The following C1orf54 variants were observed in gnomAD, a reference collection of about 807,000 sequenced individuals.
C1orf54 encodes chromosome 1 open reading frame 54.
Under a neutral mutation model 14.7 loss-of-function variants are expected in C1orf54, and 12 were observed. The observed-to-expected ratio is 0.82, with a 90% CI of 0.52 to 1.32. The LOEUF (loss-of-function observed/expected upper bound fraction) is 1.32, where lower values mean the gene tolerates loss of function less well. C1orf54 is among the 40% of genes most tolerant of loss of function. The probability of loss-of-function intolerance (pLI) is 0.00; values close to 1 mark genes in which losing one functional copy is unlikely to be tolerated. For synonymous variants in C1orf54, 65 were observed against 56.3 expected, an observed-to-expected ratio of 1.16 and a Z score of -0.70; for missense variants, 163 against 162.2, an observed-to-expected ratio of 1.00 and a Z score of -0.03.
upstream of C1orf54, chr1:150,272,681 G>T: frequency 1.2e-6 from 1 of 814,268 alleles, no homozygotes; most frequent in Non-Finnish European, 2.0e-6. Context: ...CAGTAGGCGG[G>T]GAGTTCTGCC....
At chr1:150,277,765 A>T (rs1652786848) in intron 4 of C1orf54, among the ~76,000 whole-genome samples, 1 of 152,154 alleles carries the variant, frequency 6.6e-6, no homozygotes, top group Non-Finnish European at 1.5e-5. Context: ...GAGCCTAGTA[A>T]GTTCTTCATT....
chr1:150,276,678 T>A, intron 4 of C1orf54, 46 bp downstream of exon 4: 1 of 1,473,822 alleles, frequency 6.8e-7, no homozygotes, highest in Non-Finnish European at 9.5e-7. Flanking sequence ...AGGACATCCC[T>A]AGTGACGTGG....
At chr1:150,270,326 G>A (rs1454598678), upstream of C1orf54, among the ~76,000 whole-genome samples, 1 of 152,114 alleles carries the variant, frequency 6.6e-6, no homozygotes, top group African/African-American at 2.4e-5. Context: ...TTCTGGAAAG[G>A]AGCTGAGGAA....
rs145051013 is a variant in C1orf54 at position 150,277,855 on chromosome 1, T to C, written c.300+1223T>C. ...GCTCACGACTGTAATCTCAGCACTT[T>C]GGGAGGCTGAAGTGAGCTGATCACC... On this transcript the variant is annotated intron_variant, in intron 4 of 5. Transcript: ENST00000369099. 6.1e-3 allele frequency among the ~76,000 whole-genome samples: 924 copies of C among 152,264 alleles called. 12 individuals carry two copies. Among genetic ancestry groups the C allele is most frequent in the African/African-American group, 0.021 (865 of 41,538 alleles).
rs201064735 is a variant in C1orf54, at chr1:150,272,885, A to C, written c.46+22A>C. The C allele has an allele frequency of 9.9e-4, 1,604 of 1,613,674 alleles. 17 individuals are homozygous for C. In the South Asian group the frequency reaches 0.011, roughly 11 times the overall value. On this transcript the variant is annotated intron_variant, in intron 1 of 5. Transcript: ENST00000369099. ...CTGGGTAAGTCCACTCCTCTCTCTG[A>C]GCTTTTGTGCCAGGTCTTCTACCAT...
chr1:150,275,439 G>T (rs1652569820), intron 2 of C1orf54, among the ~76,000 whole-genome samples: 1 of 152,042 alleles, frequency 6.6e-6, no homozygotes, highest in Non-Finnish European at 1.5e-5. Context: ...GGAGCTGGAG[G>T]TGGCAGTGAG....
At chr1:150,279,833 T>G in intron 5 of C1orf54, 92 bp downstream of exon 5, 18 of 1,077,422 alleles carry the variant, frequency 1.7e-5, no homozygotes, top group Non-Finnish European at 2.1e-5. Flanking sequence ...CCAGTATCTC[T>G]AGTTAGTGTT....
Position 150,274,073 on chromosome 1 carries a change from C to T in C1orf54, c.47-14C>T. ...TTCCAGATGTCCCTTGACCTCTAGT[C>T]CTTGTCCCCATAGGACAAGAATATG... On this transcript the variant is annotated splice_polypyrimidine_tract_variant and intron_variant, in intron 1 of 5. Coordinates refer to ENST00000369099, the MANE Select transcript of C1orf54 (RefSeq NM_024579.4). 6.3e-7 allele frequency: 1 copy of T among 1,585,510 alleles called. No individual in the cohort carries two copies. Among genetic ancestry groups the T allele is most frequent in the Non-Finnish European group, 8.7e-7 (1 of 1,154,412 alleles).
intron 4 of C1orf54, among the ~76,000 whole-genome samples, chr1:150,278,925 G>C (rs1652882808): frequency 6.6e-6 from 1 of 152,198 alleles, no homozygotes. Flanking sequence ...GATGAAAGAA[G>C]CCAGTAAGAA....
intron 5 of C1orf54, among the ~76,000 whole-genome samples, chr1:150,280,341 C>G (rs1231639301): frequency 2.6e-5 from 4 of 152,220 alleles, no homozygotes; most frequent in African/African-American, 9.6e-5. Context: ...ATTACTTTTT[C>G]TGAACTAAGA....
At chr1:150,268,932 A>C (rs1456277159), upstream of C1orf54, 6 of 746,038 alleles carry the variant, frequency 8.0e-6, no homozygotes, top group Non-Finnish European at 8.7e-6. Context: ...GTGCAATGTC[A>C]CCCCCAGACC....
At chr1:150,279,198 G>C (rs1276001765) in intron 4 of C1orf54, among the ~76,000 whole-genome samples, 1 of 152,212 alleles carries the variant, frequency 6.6e-6, no homozygotes, top group Non-Finnish European at 1.5e-5. Flanking sequence ...GAACCCTGGA[G>C]GTAGAGGTTA....
chr1:150,271,038 C>T (rs1652177726), upstream of C1orf54, among the ~76,000 whole-genome samples: 1 of 150,572 alleles, frequency 6.6e-6, no homozygotes, highest in Admixed American at 6.6e-5. Flanking sequence ...GTTATCATGA[C>T]CTGTGTTCAA....
intron 2 of C1orf54, among the ~76,000 whole-genome samples, chr1:150,274,444 C>T (rs185978456): frequency 2.0e-5 from 3 of 151,302 alleles, no homozygotes; most frequent in Admixed American, 6.6e-5. Flanking sequence ...ACTAAAAATA[C>T]AAAAAATTAG....
chr1:150,268,807 C>A, upstream of C1orf54: 1 of 1,612,574 alleles, frequency 6.2e-7, no homozygotes, highest in Non-Finnish European at 8.5e-7. Context: ...ACCGCAGCCC[C>A]CATGGCTGGT....
At chr1:150,278,395 A>G (rs1396337245) in intron 4 of C1orf54, among the ~76,000 whole-genome samples, 3 of 152,214 alleles carry the variant, frequency 2.0e-5, no homozygotes, top group Non-Finnish European at 4.4e-5. Context: ...AGAAGTTATT[A>G]ATTTGGTAAT....
chr1:150,272,807 C>T lies in C1orf54; in HGVS notation c.-11C>T, dbSNP rs1553851526. 1.2e-6 allele frequency: 2 copies of T among 1,614,038 alleles called. No individual in the cohort carries two copies. Among genetic ancestry groups the T allele is most frequent in the South Asian group, 2.2e-5 (2 of 91,088 alleles). On this transcript the variant is annotated 5_prime_UTR_variant, in exon 1 of 6. Coordinates refer to ENST00000369099, the MANE Select transcript of C1orf54 (RefSeq NM_024579.4). ...CTTTTTTACTTTCACAGCAATAGTGCAGAATCCAGAATGGATGTCCTCTTT... is the reference window on the plus strand; with the variant it reads ...CTTTTTTACTTTCACAGCAATAGTGTAGAATCCAGAATGGATGTCCTCTTT...
chr1:150,271,931 G>C (rs946113298), upstream of C1orf54, among the ~76,000 whole-genome samples: 1 of 152,150 alleles, frequency 6.6e-6, no homozygotes, highest in South Asian at 2.1e-4. Flanking sequence ...CTGAGGTCAG[G>C]AGTTCGAGAC....
upstream of C1orf54, chr1:150,269,354 A>T (rs1004120862): frequency 6.3e-5 from 10 of 158,350 alleles, no homozygotes; most frequent in African/African-American, 2.4e-4. Context: ...CAAAGAGAGC[A>T]CAGGATGGGG....
Sources: gnomAD v4.1 joint callset for allele counts (sites outside exome capture counted in the v4.1 genomes callset) on GRCh38, gnomAD v4.1.1 for gene constraint, MANE v1.5 for transcripts, NCBI Gene and HGNC (gene_info 2026-07-23, HGNC 2026-07-21) for gene names.